AVIL: variants seen among roughly 807,000 people sequenced by gnomAD.
AVIL encodes advillin.
In AVIL, 78 loss-of-function variants were observed where a neutral mutation model predicts 109.9. The observed-to-expected ratio is 0.71, with a 90% CI of 0.59 to 0.86. The LOEUF (loss-of-function observed/expected upper bound fraction) is 0.86. Ranked by LOEUF, AVIL falls within the 40% of genes least tolerant of loss-of-function variation. The pLI is 0.00. For synonymous variants in AVIL, 367 were observed against 379.1 expected (o/e 0.97, Z 0.37); for missense variants, 892 against 1,016.5 (o/e 0.88, Z 1.67).
chr12:57,798,620 CTT>C (rs1337769787), intron 19 of AVIL, among the ~76,000 whole-genome samples: 13 of 140,582 alleles, frequency 9.2e-5, no homozygotes, highest in Admixed American at 1.4e-4. Flanking sequence ...CTTTTCTTTT[CTT>C]TTTTTTTTTT....
intron 19 of AVIL, 57 bp downstream of exon 19, chr12:57,799,738 G>A (rs2140435112): frequency 6.2e-7 from 1 of 1,608,072 alleles, no homozygotes; most frequent in Non-Finnish European, 8.5e-7. Flanking sequence ...GCTGAGCTGA[G>A]TTTTTTACTC....
intron 7 of AVIL, 59 bp from the exon 8 acceptor site, chr12:57,809,949 C>T: frequency 1.9e-6 from 3 of 1,565,896 alleles, no homozygotes; most frequent in South Asian, 2.2e-5. Flanking sequence ...TTGTAGTCAA[C>T]TAGATGTTGT....
At chr12:57,807,957 G>A in intron 11 of AVIL, 1 of 806,610 alleles carries the variant, frequency 1.2e-6, no homozygotes, top group East Asian at 2.6e-5. Flanking sequence ...GTCTTTGCAA[G>A]GCTGAGCAAT....
intron 1 of AVIL, among the ~76,000 whole-genome samples, chr12:57,817,095 C>T (rs1422897378): frequency 3.3e-5 from 5 of 151,948 alleles, no homozygotes; most frequent in Admixed American, 1.3e-4. Context: ...TCCAAGGCCA[C>T]GTAGAGGCTT....
rs550362614 is a variant in AVIL at position 57,803,183 on chromosome 12, A to G, written c.1962+64T>C. ...GGGTTTATTCTAGGGTGGGGATACT[A>G]CACAAAAACAACCCTTACTGTGGGA... On this transcript the variant is annotated intron_variant, in intron 16 of 19. Transcript: ENST00000549994. 418 of 1,598,676 alleles carry G rather than the reference A, an allele frequency of 2.6e-4. 3 individuals are homozygous for G. Among genetic ancestry groups the G allele is most frequent in the Admixed American group, 9.6e-4 (57 of 59,644 alleles).
intron 11 of AVIL, 140 bp from the exon 12 acceptor site, chr12:57,807,867 T>C (rs1271264682): frequency 4.1e-6 from 5 of 1,206,694 alleles, no homozygotes; most frequent in South Asian, 1.2e-5. Flanking sequence ...CTCCCAGTGC[T>C]GAGGACTCAT....
At position 57,818,182 on chromosome 12, in the gene AVIL, C is replaced by CTTTTTTTTTTTTT. The variant is rs66731427; in HGVS notation, c.-20+434_-20+446dup. On this transcript the variant is annotated intron_variant, in intron 1 of 19. Coordinates refer to ENST00000549994, the MANE Select transcript of AVIL (RefSeq NM_006576.4). ...CACAGGTGTGCACCACCATGCTTGG[C>CTTTTTTTTTTTTT]TTTTTTTTTTTTTTTTTTTTTTTTT... is the stretch of plus-strand genomic sequence containing the variant. Among the ~76,000 whole-genome samples, 97 of 35,272 alleles carry CTTTTTTTTTTTTT rather than the reference C, an allele frequency of 2.8e-3. 27 individuals are homozygous for CTTTTTTTTTTTTT. The highest frequency in any genetic ancestry group is 0.021 in the East Asian group (12 of 560). The allele number at this position is 35,272 out of a possible 152,430, so 23.1% of individuals were successfully genotyped here.
chr12:57,799,784 C>G lies in AVIL; in HGVS notation c.2346+11G>C. The G allele has an allele frequency of 6.2e-7, 1 of 1,613,686 alleles. No homozygotes were observed. ...CCACTTCCAACAGACACAGTTCCTT[C>G]AGCCACTCACCTCCTTTTTGGCAGG... On this transcript the variant is annotated intron_variant, in intron 19 of 19. Coordinates refer to ENST00000549994, the MANE Select transcript of AVIL (RefSeq NM_006576.4).
chr12:57,809,784 A>C (rs781154051), intron 8 of AVIL, 28 bp downstream of exon 8: 7 of 1,613,774 alleles, frequency 4.3e-6, no homozygotes, highest in Non-Finnish European at 5.9e-6. Flanking sequence ...TGGCTACCCC[A>C]AGCTAAGTCC....
At chr12:57,812,302 G>C (rs1462763157) in intron 4 of AVIL, among the ~76,000 whole-genome samples, 5 of 152,198 alleles carry the variant, frequency 3.3e-5, no homozygotes, top group Non-Finnish European at 5.9e-5. Context: ...CCAAAGTGCT[G>C]GGATTACAGG....
At chr12:57,815,510 GC>G (rs1459289959) in intron 2 of AVIL, 4 of 1,124,616 alleles carry the variant, frequency 3.6e-6, no homozygotes, top group Non-Finnish European at 1.1e-6. Flanking sequence ...GCTCACAGCC[GC>G]ACAGAGGGTC....
chr12:57,809,689 A>G lies in AVIL; in HGVS notation c.847T>C (p.Tyr283His), dbSNP rs749943277. 6.2e-7 allele frequency: 1 copy of G among 1,614,176 alleles called. No homozygotes were observed. The highest frequency in any genetic ancestry group is 1.3e-5 in the African/African-American group (1 of 75,044). Residue 283 changes from tyrosine to histidine, a missense_variant, in exon 9 of 20, where the codon TAC becomes CAC. Coordinates refer to ENST00000549994, the MANE Select transcript of AVIL (RefSeq NM_006576.4). The stretch of plus-strand genomic sequence containing the variant: ...TTGGTTCCACTTTGGTCCAGGATGT[A>G]GCAGTCCTAAAGCAGCCAGAGATAG... ...VQDLLNHDDC[Y>H]ILDQSGTKIY...
chr12:57,802,330 CCCCAAT>C lies in AVIL; in HGVS notation c.1975_1980del (p.Ile659_Gly660del). ...TCCTTCTCCGTGGCATTGGCCTCAG[CCCCAAT>C]CCACAAGAACACCTGTTAAGGTGGA... On this transcript the variant is annotated inframe_deletion, in exon 17 of 20. Coordinates refer to ENST00000549994, the MANE Select transcript of AVIL (RefSeq NM_006576.4). 1 of 1,612,364 alleles carries C rather than the reference CCCCAAT, an allele frequency of 6.2e-7. No individual in the cohort carries two copies. The highest frequency in any genetic ancestry group is 8.5e-7 in the Non-Finnish European group (1 of 1,179,172).
intron 1 of AVIL, among the ~76,000 whole-genome samples, chr12:57,817,325 A>C (rs1298092993): frequency 6.6e-6 from 1 of 150,730 alleles, no homozygotes; most frequent in East Asian, 1.9e-4. Flanking sequence ...TGTTTTCTTG[A>C]ACCTTGATGG....
intron 9 of AVIL, 95 bp from the exon 10 acceptor site, chr12:57,808,643 T>C (rs1955991110): frequency 1.4e-6 from 2 of 1,410,412 alleles, no homozygotes; most frequent in African/African-American, 1.4e-5. Context: ...CCACATGATA[T>C]AAGCGTCTCC....
At chr12:57,814,869 A>C (rs1490259313) in intron 2 of AVIL, 1 of 152,464 alleles carries the variant, frequency 6.6e-6, no homozygotes, top group Non-Finnish European at 1.5e-5. Flanking sequence ...TTGCGGCCAT[A>C]CTTGTGTGTG....
chr12:57,811,219 T>C, intron 4 of AVIL, 92 bp from the exon 5 acceptor site: 1 of 1,197,330 alleles, frequency 8.4e-7, no homozygotes. Flanking sequence ...GCCTCACTCA[T>C]GTGATGACAG....
rs1235853062 is a variant in AVIL, at chr12:57,797,763, C to T, written c.*119G>A. The T allele has an allele frequency of 2.3e-5, 19 of 840,866 alleles. No individual in the cohort carries two copies. The highest frequency in any genetic ancestry group is 3.2e-5 in the Non-Finnish European group (19 of 591,196). 52.1% of individuals were successfully genotyped at this position (840,866 alleles called of 1,614,324 possible). A position where few individuals can be genotyped will look rare whatever the true frequency, so the allele number is the denominator to read the frequency against. On this transcript the variant is annotated 3_prime_UTR_variant, in exon 20 of 20. Transcript: ENST00000549994. ...GAGAACATGCCGTGATTTGCAGACT[C>T]TATTATATCTAAATTAAGTAGCTGA...
chr12:57,802,878 G>A (rs1955878301), intron 16 of AVIL: 2 of 540,712 alleles, frequency 3.7e-6, no homozygotes, highest in South Asian at 5.6e-5. Context: ...GCCCACAGTA[G>A]CTCTTACTTG....
Sources: allele counts gnomAD v4.1 joint callset (sites outside exome capture counted in the v4.1 genomes callset), GRCh38; gene constraint gnomAD v4.1.1; transcripts MANE v1.5; gene names NCBI Gene and HGNC (gene_info 2026-07-23, HGNC 2026-07-21).